The following SCGB2B2 variants were observed in gnomAD, a reference collection of about 807,000 sequenced individuals.
The protein encoded by SCGB2B2 is secretoglobin-like protein.
Under a neutral mutation model 7.6 loss-of-function variants are expected in SCGB2B2, and 11 were observed. That is an observed-to-expected ratio of 1.45 (90% CI 0.91 to 2.40). The LOEUF is 2.40. SCGB2B2 is among the 30% of genes most tolerant of loss of function. The pLI is 0.00. For synonymous variants in SCGB2B2, 50 were observed against 48.6 expected (o/e 1.03, Z -0.12); for missense variants, 104 against 115.4 (o/e 0.90, Z 0.45).
intron 1 of SCGB2B2, among the ~76,000 whole-genome samples, chr19:34,608,970 T>C (rs1411952339): frequency 1.3e-5 from 2 of 152,064 alleles, no homozygotes; most frequent in Admixed American, 6.6e-5. Flanking sequence ...CCTTGCTTCC[T>C]CACTAGCATT....
In SCGB2B2 at chr19:34,596,160, T is replaced by C. The variant is rs375084384; in HGVS notation, c.-1597A>G. 8 of 152,402 alleles carry C rather than the reference T, an allele frequency of 5.2e-5. No homozygotes were observed. Among genetic ancestry groups the C allele is most frequent in the African/African-American group, 1.9e-4 (8 of 41,590 alleles). 9.4% of individuals were successfully genotyped at this position (152,402 alleles called of 1,614,324 possible). A position where few individuals can be genotyped will look rare whatever the true frequency, so the allele number is the denominator to read the frequency against. On this transcript the variant is annotated 5_prime_UTR_variant, in exon 2 of 4. Transcript: ENST00000601241. ...TAGGACTTAGAGTGGCCGTCACCAG[T>C]GGCAGGGCCCTGAACGCCCCCACAT...
In SCGB2B2 at chr19:34,593,198, T is replaced by C; in HGVS notation, c.*357A>G. Reference sequence around the variant, plus strand: ...TTAGCCAAGCGTGGTGGTGTGTGGCTGTATTCTGCTACTCAGGAGGCAGAG... The same window carrying C: ...TTAGCCAAGCGTGGTGGTGTGTGGCCGTATTCTGCTACTCAGGAGGCAGAG... On this transcript the variant is annotated 3_prime_UTR_variant, in exon 4 of 4. Transcript: ENST00000601241. 1 of 211,304 alleles carries C rather than the reference T, an allele frequency of 4.7e-6. No homozygotes were observed. The highest frequency in any genetic ancestry group is 9.5e-6 in the Non-Finnish European group (1 of 104,978). The allele number at this position is 211,304 out of a possible 1,614,324, so 13.1% of individuals were successfully genotyped here.
chr19:34,667,772 A>C (rs2067675867), intron 1 of SCGB2B2, among the ~76,000 whole-genome samples: 1 of 151,654 alleles, frequency 6.6e-6, no homozygotes, highest in Admixed American at 6.6e-5. Flanking sequence ...GGAAGGTGGG[A>C]TGGGGGGAGC....
Position 34,593,612 on chromosome 19 carries a change from G to A in SCGB2B2, c.247-13C>T. The stretch of plus-strand genomic sequence containing the variant: ...GAAGGATCTTCTTCTGTTGGAAAAA[G>A]AAGAAAGAGAGGAGCCGGTGGCCTC... On this transcript the variant is annotated splice_polypyrimidine_tract_variant and intron_variant, in intron 3 of 3. Transcript: ENST00000601241. 1.3e-6 allele frequency: 2 copies of A among 1,551,210 alleles called. No individual in the cohort carries two copies. Among genetic ancestry groups the A allele is most frequent in the Non-Finnish European group, 1.7e-6 (2 of 1,146,762 alleles).
At chr19:34,636,642 A>G (rs1025330280) in intron 1 of SCGB2B2, among the ~76,000 whole-genome samples, 3 of 152,232 alleles carry the variant, frequency 2.0e-5, no homozygotes, top group Admixed American at 6.5e-5. Flanking sequence ...GAAATCAGAG[A>G]GGTGGGAGTC....
rs997058082 is a variant in SCGB2B2, at chr19:34,623,941, T to C, written c.-2031-27347A>G. Among the ~76,000 whole-genome samples the C allele has an allele frequency of 3.9e-5, 6 of 152,280 alleles. No individual in the cohort carries two copies. The East Asian group carries it at 1.2e-3, about 29-fold the overall frequency. On this transcript the variant is annotated intron_variant, in intron 1 of 3. Transcript: ENST00000601241. ...TCAAGGGCAGCTTCCTCCTGACTAT[T>C]GAAAGTGGAGTTTTCCTGCCTACAA...
intron 1 of SCGB2B2, among the ~76,000 whole-genome samples, chr19:34,630,416 A>AG (rs2066496243): frequency 1.3e-5 from 2 of 151,860 alleles, no homozygotes; most frequent in African/African-American, 4.8e-5. Flanking sequence ...CAAATTTACA[A>AG]CAAAAAAACA....
intron 1 of SCGB2B2, among the ~76,000 whole-genome samples, chr19:34,667,112 G>A (rs2067650598): frequency 6.6e-6 from 1 of 151,960 alleles, no homozygotes. Flanking sequence ...CCTCCTTTGA[G>A]ATCAGGGACT....
intron 1 of SCGB2B2, among the ~76,000 whole-genome samples, chr19:34,665,463 C>T (rs1246550985): frequency 2.6e-5 from 4 of 152,172 alleles, no homozygotes; most frequent in Admixed American, 2.6e-4. Context: ...CCACCATCCC[C>T]CATGTCCCCA....
rs1219672256 is a variant in SCGB2B2 at position 34,676,757 on chromosome 19, T to C, written c.-3159A>G. The C allele has an allele frequency of 1.3e-5, 2 of 152,224 alleles. No individual in the cohort carries two copies. The highest frequency in any genetic ancestry group is 2.9e-5 in the Non-Finnish European group (2 of 68,030). The allele number at this position is 152,224 out of a possible 1,614,324, so 9.4% of individuals were successfully genotyped here. A position where few individuals can be genotyped will look rare whatever the true frequency, so the allele number is the denominator to read the frequency against. On this transcript the variant is annotated 5_prime_UTR_variant, in exon 1 of 4. It adds an upstream start codon to the 5' untranslated region. Coordinates refer to ENST00000601241, the MANE Select transcript of SCGB2B2 (RefSeq NM_001025591.4). ...CAAAAAAGTCTATAGCGACACTATT[T>C]ATAATTTTAAAAATGATTGAAGTCA... is the stretch of plus-strand genomic sequence containing the variant.
chr19:34,620,528 A>T (rs1283715858), intron 1 of SCGB2B2, among the ~76,000 whole-genome samples: 1 of 13,204 alleles, frequency 7.6e-5, no homozygotes, highest in Admixed American at 1.1e-3. Context: ...GGGTGGGGGG[A>T]GGGGGGAGGG....
At chr19:34,619,955 T>C (rs2066194035) in intron 1 of SCGB2B2, among the ~76,000 whole-genome samples, 1 of 152,138 alleles carries the variant, frequency 6.6e-6, no homozygotes, top group Admixed American at 6.5e-5. Context: ...CCTTTTCAAG[T>C]GCACAACTGG....
Position 34,594,225 on chromosome 19 carries a change from A to T in SCGB2B2, c.196T>A (p.Cys66Ser). The change falls in exon 3 of 4, where the codon TGC (cysteine) becomes AGC (serine). Residue 66 changes from cysteine (C) to serine (S), a missense_variant. Transcript: ENST00000601241. ...TEESFLNVQQCFANVSVTERF... is the reference protein window; with the variant it reads ...TEESFLNVQQSFANVSVTERF... ...TCTGTCACGGAGACATTGGCAAAGC[A>T]TTGCTGGACATTGAGGAAGGACTCC... 1 of 1,614,170 alleles carries T rather than the reference A, an allele frequency of 6.2e-7. No individual in the cohort carries two copies. Among genetic ancestry groups the T allele is most frequent in the Non-Finnish European group, 8.5e-7 (1 of 1,180,008 alleles).
rs184825535 is a variant in SCGB2B2, at chr19:34,649,205, C to T, written c.-2032+26425G>A. On this transcript the variant is annotated intron_variant, in intron 1 of 3. Transcript: ENST00000601241. ...ACAGACGTGAGCCACTGTGCCCAGC[C>T]TGGATCTTTCACAACTAGGACTGAC... is the stretch of plus-strand genomic sequence containing the variant. 4.5e-3 allele frequency among the ~76,000 whole-genome samples: 684 copies of T among 152,322 alleles called. 3 individuals carry two copies. The highest frequency in any genetic ancestry group is 0.016 in the African/African-American group (661 of 41,570).
At chr19:34,671,443 CTT>C (rs55786074) in intron 1 of SCGB2B2, among the ~76,000 whole-genome samples, 2 of 149,168 alleles carry the variant, frequency 1.3e-5, no homozygotes, top group Non-Finnish European at 3.0e-5. Context: ...GCATCTTTTT[CTT>C]TTTTTTTTGC....
chr19:34,668,249 T>G (rs2067693633), intron 1 of SCGB2B2, among the ~76,000 whole-genome samples: 1 of 151,674 alleles, frequency 6.6e-6, no homozygotes, highest in Non-Finnish European at 1.5e-5. Context: ...CCAGCTGGAG[T>G]TCCCGGTGGG....
chr19:34,637,225 A>G (rs2066707506), intron 1 of SCGB2B2, among the ~76,000 whole-genome samples: 1 of 152,090 alleles, frequency 6.6e-6, no homozygotes, highest in African/African-American at 2.4e-5. Context: ...GGTGGGATCT[A>G]TTGGGTTCAC....
intron 1 of SCGB2B2, among the ~76,000 whole-genome samples, chr19:34,661,628 C>T (rs2146139748): frequency 6.6e-6 from 1 of 152,198 alleles, no homozygotes; most frequent in East Asian, 1.9e-4. Context: ...AAATAGGGAA[C>T]CCAGAAGCAA....
intron 1 of SCGB2B2, among the ~76,000 whole-genome samples, chr19:34,636,957 G>T (rs1379630603): frequency 6.6e-6 from 1 of 152,126 alleles, no homozygotes; most frequent in Non-Finnish European, 1.5e-5. Flanking sequence ...GACACGACAG[G>T]TGAGTGGACA....
Sources: allele counts gnomAD v4.1 joint callset (sites outside exome capture counted in the v4.1 genomes callset), GRCh38; gene constraint gnomAD v4.1.1; transcripts MANE v1.5; gene names NCBI Gene and HGNC (gene_info 2026-07-23, HGNC 2026-07-21).